Variants in RALGAPA2 observed in about 807,000 individuals in gnomAD.
RALGAPA2 encodes the protein Ral GTPase activating protein catalytic subunit alpha 2.
Under a neutral mutation model 230.4 loss-of-function variants are expected in RALGAPA2, and 139 were observed. That is an observed-to-expected ratio of 0.60 (90% CI 0.53 to 0.69). The LOEUF (loss-of-function observed/expected upper bound fraction) is 0.69, where lower values mean the gene tolerates loss of function less well. RALGAPA2 is among the 30% of genes least tolerant of loss of function. The pLI is 0.00. For synonymous variants in RALGAPA2, 847 were observed against 837.8 expected (o/e 1.01, Z -0.19); for missense variants, 2,163 against 2,276.0 (o/e 0.95, Z 1.01).
At chr20:20,443,000 C>G (rs1379121211) in intron 37 of RALGAPA2, among the ~76,000 whole-genome samples, 3 of 152,142 alleles carry the variant, frequency 2.0e-5, no homozygotes, top group Non-Finnish European at 4.4e-5. Flanking sequence ...CTTTTTAAAG[C>G]TCTATCAATG....
rs553365591 is a variant in RALGAPA2, at chr20:20,636,813, C to A, written c.805+550G>T. On this transcript the variant is annotated intron_variant, in intron 8 of 39. Transcript: ENST00000202677. Reference sequence around the variant, plus strand: ...CCTCATTGCTTACAGAAGAAAAAAACATTAGGAGCCAAATTGGAAATTCCT... The same window carrying A: ...CCTCATTGCTTACAGAAGAAAAAAAAATTAGGAGCCAAATTGGAAATTCCT... Among the ~76,000 whole-genome samples the A allele has an allele frequency of 1.3e-3, 198 of 152,266 alleles. 3 individuals carry two copies. In the South Asian group the frequency reaches 0.016, roughly 12 times the overall value.
chr20:20,652,673 A>C (rs2067444538), intron 4 of RALGAPA2, among the ~76,000 whole-genome samples: 1 of 152,188 alleles, frequency 6.6e-6, no homozygotes, highest in South Asian at 2.1e-4. Context: ...ACGGCAGGGG[A>C]TTGAAGGAGA....
At chr20:20,430,990 T>C (rs1386931556) in intron 37 of RALGAPA2, among the ~76,000 whole-genome samples, 1 of 151,986 alleles carries the variant, frequency 6.6e-6, no homozygotes, top group African/African-American at 2.4e-5. Context: ...GGGACACTCT[T>C]CCCAGGGCTT....
chr20:20,684,941 T>C (rs970268624), intron 1 of RALGAPA2, among the ~76,000 whole-genome samples: 6 of 152,214 alleles, frequency 3.9e-5, no homozygotes, highest in African/African-American at 1.4e-4. Context: ...TTTCTTGATT[T>C]GTCTTTTTTT....
intron 36 of RALGAPA2, 22 bp downstream of exon 36, chr20:20,495,095 C>T: frequency 6.3e-7 from 1 of 1,580,218 alleles, no homozygotes; most frequent in South Asian, 1.1e-5. Flanking sequence ...TGAGTCAGTA[C>T]AACAATGCAA....
At chr20:20,492,301 T>C (rs946524134) in intron 36 of RALGAPA2, among the ~76,000 whole-genome samples, 8 of 152,122 alleles carry the variant, frequency 5.3e-5, no homozygotes, top group African/African-American at 1.9e-4. Context: ...CACAGAGTCA[T>C]ACTATACTCA....
chr20:20,632,156 C>A (rs2066697252), intron 9 of RALGAPA2, among the ~76,000 whole-genome samples: 1 of 152,012 alleles, frequency 6.6e-6, no homozygotes, highest in African/African-American at 2.4e-5. Context: ...TCCTGAGTAG[C>A]TGGGACTACA....
chr20:20,629,558 C>T lies in RALGAPA2; in HGVS notation c.1038G>A (p.Ala346=), dbSNP rs374451382. Residue 346 remains alanine, a synonymous_variant, in exon 10 of 40, where the codon GCG becomes GCA. Transcript: ENST00000202677. ...TGGGCCCACCACCATCCAGCTCAGG[C>T]GCTCTCTCCTGCACAGCACCACCAC... is the stretch of plus-strand genomic sequence containing the variant. ...TVGGGAVQER[A]PELDGGGPTE... The T allele has an allele frequency of 3.0e-5, 49 of 1,613,490 alleles. No individual in the cohort carries two copies. Among genetic ancestry groups the T allele is most frequent in the South Asian group, 6.6e-5 (6 of 91,056 alleles).
At chr20:20,555,877 T>C (rs1292505536) in intron 23 of RALGAPA2, among the ~76,000 whole-genome samples, 1 of 152,198 alleles carries the variant, frequency 6.6e-6, no homozygotes, top group Admixed American at 6.5e-5. Flanking sequence ...CATTTTTCTT[T>C]CCAGTCTGAA....
At position 20,599,995 on chromosome 20, in the gene RALGAPA2, A is replaced by T. The variant is rs188273359; in HGVS notation, c.2203+1687T>A. Reference sequence around the variant, plus strand: ...CTCAAAAAAAATAAAAAATAAAAAAAAAATCCAATGATAGAAGAGCTGGGC... The same window carrying T: ...CTCAAAAAAAATAAAAAATAAAAAATAAATCCAATGATAGAAGAGCTGGGC... On this transcript the variant is annotated intron_variant, in intron 16 of 39. Transcript: ENST00000202677. Among the ~76,000 whole-genome samples, 650 of 152,014 alleles carry T rather than the reference A, an allele frequency of 4.3e-3. 3 individuals carry two copies. The highest frequency in any genetic ancestry group is 0.015 in the African/African-American group (613 of 41,442).
intron 37 of RALGAPA2, among the ~76,000 whole-genome samples, chr20:20,426,689 G>T (rs1234592317): frequency 6.6e-6 from 1 of 152,192 alleles, no homozygotes; most frequent in Admixed American, 6.5e-5. Flanking sequence ...GCAACACACA[G>T]CATACGGGAT....
chr20:20,692,102 T>C (rs957779791), intron 1 of RALGAPA2, among the ~76,000 whole-genome samples: 1 of 152,158 alleles, frequency 6.6e-6, no homozygotes, highest in Non-Finnish European at 1.5e-5. Flanking sequence ...ATGCTTCTTG[T>C]ATAGCCTGCA....
At chr20:20,585,322 A>C (rs1401903854) in intron 18 of RALGAPA2, among the ~76,000 whole-genome samples, 1 of 152,192 alleles carries the variant, frequency 6.6e-6, no homozygotes, top group Non-Finnish European at 1.5e-5. Context: ...CACACAAATG[A>C]TAAGTGTGCT....
intron 4 of RALGAPA2, among the ~76,000 whole-genome samples, chr20:20,646,230 A>C (rs2067211024): frequency 6.6e-6 from 1 of 151,990 alleles, no homozygotes; most frequent in Non-Finnish European, 1.5e-5. Flanking sequence ...AATTTTTTGT[A>C]TTTTAGTAGA....
At chr20:20,449,167 T>C (rs941305283) in intron 37 of RALGAPA2, among the ~76,000 whole-genome samples, 2 of 152,192 alleles carry the variant, frequency 1.3e-5, no homozygotes, top group Admixed American at 1.3e-4. Flanking sequence ...AAATGAATGA[T>C]TACATAGTGA....
intron 1 of RALGAPA2, among the ~76,000 whole-genome samples, chr20:20,687,239 A>G (rs2068737345): frequency 6.6e-6 from 1 of 152,266 alleles, no homozygotes; most frequent in Non-Finnish European, 1.5e-5. Context: ...ATGAAGTGCA[A>G]AAGAACTAGT....
chr20:20,517,491 C>T lies in RALGAPA2; in HGVS notation c.4084+3426G>A, dbSNP rs182595610. On this transcript the variant is annotated intron_variant, in intron 31 of 39. Coordinates refer to ENST00000202677, the MANE Select transcript of RALGAPA2 (RefSeq NM_020343.4). Reference sequence around the variant, plus strand: ...AACTGGTTTCTATCTAGGGATACTTCCCCTACTGGCCTGAAGCCTGGATCA... The same window carrying T: ...AACTGGTTTCTATCTAGGGATACTTTCCCTACTGGCCTGAAGCCTGGATCA... Among the ~76,000 whole-genome samples the T allele has an allele frequency of 1.7e-4, 26 of 152,294 alleles. 1 individual carries two copies. In the East Asian group the frequency reaches 4.1e-3, roughly 24 times the overall value.
intron 20 of RALGAPA2, among the ~76,000 whole-genome samples, chr20:20,573,550 A>C (rs1461477972): frequency 6.6e-6 from 1 of 152,224 alleles, no homozygotes; most frequent in Non-Finnish European, 1.5e-5. Context: ...AACTGCCACC[A>C]TAATTGAAAT....
chr20:20,646,595 T>C (rs947186916), intron 4 of RALGAPA2, among the ~76,000 whole-genome samples: 2 of 152,190 alleles, frequency 1.3e-5, no homozygotes, highest in African/African-American at 4.8e-5. Flanking sequence ...TTTTACTACA[T>C]TTTAACCATA....
Sources: gnomAD v4.1 joint callset for allele counts (sites outside exome capture counted in the v4.1 genomes callset) on GRCh38, gnomAD v4.1.1 for gene constraint, MANE v1.5 for transcripts, NCBI Gene and HGNC (gene_info 2026-07-23, HGNC 2026-07-21) for gene names.